Variants in PTPN4 observed in about 807,000 individuals in gnomAD.
The protein encoded by PTPN4 is tyrosine-protein phosphatase non-receptor type 4.
Under a neutral mutation model 135.5 loss-of-function variants are expected in PTPN4, and 49 were observed. The observed-to-expected ratio is 0.36, with a 90% CI of 0.29 to 0.46. The LOEUF is 0.46. Ranked by LOEUF, PTPN4 falls within the 20% of genes least tolerant of loss-of-function variation. PTPN4 has a pLI of 1.00. For missense variants in PTPN4, 860 were observed against 1,101.0 expected (o/e 0.78, Z 3.10); for synonymous variants, 333 against 369.9 (o/e 0.90, Z 1.14).
At chr2:119,786,589 G>C (rs761787548) in intron 1 of PTPN4, among the ~76,000 whole-genome samples, 1 of 152,124 alleles carries the variant, frequency 6.6e-6, no homozygotes, top group Non-Finnish European at 1.5e-5. Context: ...CATGTGACCT[G>C]GGCTTCCTTG....
chr2:119,931,035 C>G (rs1419249661), intron 13 of PTPN4, among the ~76,000 whole-genome samples: 1 of 152,020 alleles, frequency 6.6e-6, no homozygotes, highest in African/African-American at 2.4e-5. Flanking sequence ...AAATTTTACT[C>G]AAATAGGTAT....
chr2:119,847,325 TA>T (rs1393197620), intron 2 of PTPN4, among the ~76,000 whole-genome samples: 6 of 113,152 alleles, frequency 5.3e-5, no homozygotes, highest in African/African-American at 2.0e-4. Context: ...CATATATATA[TA>T]TATTTTTTTT....
At chr2:119,804,553 G>T (rs1691433733) in intron 1 of PTPN4, among the ~76,000 whole-genome samples, 1 of 152,108 alleles carries the variant, frequency 6.6e-6, no homozygotes, top group Non-Finnish European at 1.5e-5. Context: ...CCTTGCGATA[G>T]TTTGCTCAGA....
At chr2:119,936,331 C>T (rs1337497093) in intron 15 of PTPN4, among the ~76,000 whole-genome samples, 6 of 152,240 alleles carry the variant, frequency 3.9e-5, no homozygotes, top group South Asian at 4.2e-4. Flanking sequence ...ATTCACAAAC[C>T]CCCAAATCAC....
intron 9 of PTPN4, among the ~76,000 whole-genome samples, chr2:119,896,365 TG>T (rs1678323827): frequency 6.6e-6 from 1 of 152,238 alleles, no homozygotes; most frequent in South Asian, 2.1e-4. Context: ...AGAATTTACC[TG>T]TAAAGCACTG....
Position 119,845,056 on chromosome 2 carries a change from GC to G in PTPN4, c.139-17477del, listed in dbSNP as rs1405236492. Among the ~76,000 whole-genome samples, 647 of 148,628 alleles carry G rather than the reference GC, an allele frequency of 4.4e-3. 4 individuals are homozygous for G. Among genetic ancestry groups the G allele is most frequent in the African/African-American group, 0.015 (607 of 39,936 alleles). On this transcript the variant is annotated intron_variant, in intron 2 of 26. Transcript: ENST00000263708. ...ACTCGCGGTTAGGGGCTGGAGACCG[GC>G]CCGGCCAACACAGCGAAACCCCGTC...
intron 12 of PTPN4, among the ~76,000 whole-genome samples, chr2:119,922,372 G>C (rs913049161): frequency 2.6e-5 from 4 of 152,086 alleles, no homozygotes; most frequent in African/African-American, 9.7e-5. Flanking sequence ...AATGGGATAT[G>C]TACATTTTAG....
At chr2:119,794,638 C>T (rs1691220121) in intron 1 of PTPN4, among the ~76,000 whole-genome samples, 1 of 152,156 alleles carries the variant, frequency 6.6e-6, no homozygotes, top group Non-Finnish European at 1.5e-5. Context: ...GGTGTCAGAG[C>T]CCTGGCTTGG....
intron 1 of PTPN4, among the ~76,000 whole-genome samples, chr2:119,778,127 C>G (rs1288072902): frequency 6.6e-6 from 1 of 151,946 alleles, no homozygotes; most frequent in Non-Finnish European, 1.5e-5. Flanking sequence ...AAGACTGCCT[C>G]TTTTTAGACA....
Position 119,983,346 on chromosome 2 carries a change from A to G in PTPN4, c.*6276A>G, listed in dbSNP as rs1445977733. On this transcript the variant is annotated 3_prime_UTR_variant, in exon 27 of 27. Transcript: ENST00000263708. ...TTTCTCCACAAATTGGCAGTTGGGT[A>G]CTTCCCCACTGTCATCACAGTTGAG... is the stretch of plus-strand genomic sequence containing the variant. 1 of 152,236 alleles carries G rather than the reference A, an allele frequency of 6.6e-6. No individual in the cohort carries two copies. The highest frequency in any genetic ancestry group is 2.4e-5 in the African/African-American group (1 of 41,460). 9.4% of individuals were successfully genotyped at this position (152,236 alleles called of 1,614,324 possible).
At position 119,981,027 on chromosome 2, in the gene PTPN4, T is replaced by C. The variant is rs1679684682; in HGVS notation, c.*3957T>C. 1 of 152,108 alleles carries C rather than the reference T, an allele frequency of 6.6e-6. No individual in the cohort carries two copies. The highest frequency in any genetic ancestry group is 1.5e-5 in the Non-Finnish European group (1 of 67,944). 9.4% of individuals were successfully genotyped at this position (152,108 alleles called of 1,614,324 possible). On this transcript the variant is annotated 3_prime_UTR_variant, in exon 27 of 27. Coordinates refer to ENST00000263708, the MANE Select transcript of PTPN4 (RefSeq NM_002830.4). Reference sequence around the variant, plus strand: ...AACATTAGTTTATAACAATGTGCTATTTAATATCTGTATTTTGAACATTTA... The same window carrying C: ...AACATTAGTTTATAACAATGTGCTACTTAATATCTGTATTTTGAACATTTA...
At chr2:119,839,796 G>T (rs1677352443) in intron 2 of PTPN4, among the ~76,000 whole-genome samples, 1 of 152,176 alleles carries the variant, frequency 6.6e-6, no homozygotes, top group African/African-American at 2.4e-5. Context: ...ATATATATTT[G>T]CTAAGCCATC....
intron 10 of PTPN4, among the ~76,000 whole-genome samples, chr2:119,911,538 A>G (rs1195591463): frequency 6.6e-6 from 1 of 152,188 alleles, no homozygotes; most frequent in African/African-American, 2.4e-5. Context: ...AAATCTGCTA[A>G]TATTATACAA....
rs1305628873 is a variant in PTPN4 at position 119,980,833 on chromosome 2, C to T, written c.*3763C>T. 2 of 151,906 alleles carry T rather than the reference C, an allele frequency of 1.3e-5. No individual in the cohort carries two copies. Among genetic ancestry groups the T allele is most frequent in the Non-Finnish European group, 2.9e-5 (2 of 67,918 alleles). The allele number at this position is 151,906 out of a possible 1,614,324, so 9.4% of individuals were successfully genotyped here. A position where few individuals can be genotyped will look rare whatever the true frequency, so the allele number is the denominator to read the frequency against. On this transcript the variant is annotated 3_prime_UTR_variant, in exon 27 of 27. Transcript: ENST00000263708. ...ACTGATAACACATGCAGTATGAAAA[C>T]ATTATAGACTGCAGTTAGAAGACTA...
rs895218167 is a variant in PTPN4 at position 119,984,011 on chromosome 2, A to G, written c.*6941A>G. 5.3e-5 allele frequency among the ~76,000 whole-genome samples: 8 copies of G among 152,194 alleles called. No homozygotes were observed. The highest frequency in any genetic ancestry group is 1.9e-4 in the African/African-American group (8 of 41,442). ...CTTTATATACATGTTGAGGGGCACG[A>G]TTTAAGAGACTGAAACAGTTTACAT... is the stretch of plus-strand genomic sequence containing the variant. On this transcript the variant is annotated 3_prime_UTR_variant, in exon 27 of 27. Transcript: ENST00000263708.
chr2:119,873,268 A>G (rs992040002), intron 3 of PTPN4, among the ~76,000 whole-genome samples: 1 of 152,076 alleles, frequency 6.6e-6, no homozygotes, highest in Admixed American at 6.5e-5. Flanking sequence ...ATGCAAATAG[A>G]AGAAGCTCAC....
chr2:119,774,538 C>G (rs1690796089), intron 1 of PTPN4, among the ~76,000 whole-genome samples: 1 of 152,060 alleles, frequency 6.6e-6, no homozygotes, highest in Non-Finnish European at 1.5e-5. Context: ...CGTATAGACT[C>G]TAATATGATT....
At chr2:119,760,733 C>CTT (rs59953430) in intron 1 of PTPN4, among the ~76,000 whole-genome samples, 13,078 of 79,684 alleles carry the variant, frequency 0.16, 1,193 homozygotes, top group Middle Eastern at 0.22. Context: ...GGTAGAATTC[C>CTT]TTTTTTTTTT....
At chr2:119,778,096 ATATAAT>A (rs1690872064) in intron 1 of PTPN4, among the ~76,000 whole-genome samples, 1 of 152,210 alleles carries the variant, frequency 6.6e-6, no homozygotes, top group Non-Finnish European at 1.5e-5. Context: ...AAAGCTTTAA[ATATAAT>A]ACCACATACA....
Sources: gnomAD v4.1 joint callset for allele counts (sites outside exome capture counted in the v4.1 genomes callset) on GRCh38, gnomAD v4.1.1 for gene constraint, MANE v1.5 for transcripts, NCBI Gene and HGNC (gene_info 2026-07-23, HGNC 2026-07-21) for gene names.